Variants in LIMCH1 observed in about 807,000 individuals in gnomAD.
LIMCH1 encodes LIM and calponin homology domains 1.
Under a neutral mutation model 176.5 loss-of-function variants are expected in LIMCH1, and 113 were observed. The observed-to-expected ratio is 0.64, with a 90% confidence interval of 0.55 to 0.75. The LOEUF is 0.75. Among genes scored for constraint, LIMCH1 ranks in the 30% least tolerant of loss-of-function variants. The probability of loss-of-function intolerance (pLI) is 0.00; values close to 1 mark genes in which losing one functional copy is unlikely to be tolerated. For missense variants in LIMCH1, 1,674 were observed against 1,814.9 expected (o/e 0.92, Z 1.41); for synonymous variants, 619 against 645.9 (o/e 0.96, Z 0.63).
At chr4:41,409,799 C>T (rs12504095) in intron 1 of LIMCH1, among the ~76,000 whole-genome samples, 87,280 of 152,004 alleles carry the variant, frequency 0.57, 28,165 homozygotes, top group East Asian at 0.82. Flanking sequence ...ATGAAAACTG[C>T]CCTATTTACT....
At chr4:41,688,612 G>A (rs1416159565) in intron 29 of LIMCH1, among the ~76,000 whole-genome samples, 3 of 152,104 alleles carry the variant, frequency 2.0e-5, no homozygotes, top group African/African-American at 4.8e-5. Flanking sequence ...AATTCCTTGT[G>A]TAATTCCAAG....
At position 41,419,143 on chromosome 4, in the gene LIMCH1, A is replaced by G. The variant is rs1226095173; in HGVS notation, c.96+58207A>G. On this transcript the variant is annotated intron_variant, in intron 1 of 26. Coordinates refer to the LIMCH1 transcript ENST00000313860. ...GTTTTGTTTTATTTTATTTTATTTT[A>G]TTTTATTTTATTTTATTTTATTTCA... Among the ~76,000 whole-genome samples, 9 of 128,966 alleles carry G rather than the reference A, an allele frequency of 7.0e-5. No homozygotes were observed. In the Admixed American group the frequency reaches 7.1e-4, roughly 10 times the overall value. The allele number at this position is 128,966 out of a possible 152,430, so 84.6% of individuals were successfully genotyped here. A position where few individuals can be genotyped will look rare whatever the true frequency, so the allele number is the denominator to read the frequency against.
intron 1 of LIMCH1, among the ~76,000 whole-genome samples, chr4:41,426,694 G>T (rs762434763): frequency 6.6e-6 from 1 of 152,190 alleles, no homozygotes; most frequent in African/African-American, 2.4e-5. Flanking sequence ...AAACTTAAGA[G>T]TTGGCACGGA....
At chr4:41,525,096 ATATGTCT>A (rs2076490984) in intron 3 of LIMCH1, among the ~76,000 whole-genome samples, 1 of 152,208 alleles carries the variant, frequency 6.6e-6, no homozygotes, top group Admixed American at 6.5e-5. Context: ...TCATGCGTTG[ATATGTCT>A]TATAATTCTT....
In LIMCH1 at chr4:41,558,494, C is replaced by G. The variant is rs118116432; in HGVS notation, c.-241+20144C>G. On this transcript the variant is annotated intron_variant, in intron 1 of 31. Transcript: ENST00000503057. Reference sequence around the variant, plus strand: ...ATCCATATTCCTTTCCACAGTCTGCCCAGCCTCATATCCTGTCCCTCATTT... The same window carrying G: ...ATCCATATTCCTTTCCACAGTCTGCGCAGCCTCATATCCTGTCCCTCATTT... 1.3e-3 allele frequency among the ~76,000 whole-genome samples: 205 copies of G among 152,236 alleles called. 4 individuals are homozygous for G. In the East Asian group the frequency reaches 0.034, roughly 25 times the overall value.
At chr4:41,518,380 T>TTTTG (rs1011186687) in intron 2 of LIMCH1, among the ~76,000 whole-genome samples, 2 of 152,204 alleles carry the variant, frequency 1.3e-5, no homozygotes, top group African/African-American at 2.4e-5. Flanking sequence ...GCTTTGAGGT[T>TTTTG]TTTGTTTGTT....
intron 1 of LIMCH1, among the ~76,000 whole-genome samples, chr4:41,573,919 T>C (rs2083981591): frequency 6.6e-6 from 1 of 152,192 alleles, no homozygotes; most frequent in African/African-American, 2.4e-5. Flanking sequence ...TAAAGAGCTA[T>C]TTTTAAAGTT....
chr4:41,561,769 T>C (rs989177526), intron 1 of LIMCH1, among the ~76,000 whole-genome samples: 9 of 152,178 alleles, frequency 5.9e-5, no homozygotes, highest in Non-Finnish European at 1.3e-4. Flanking sequence ...AAAAAGAGAC[T>C]AGGGGAACAG....
chr4:41,505,935 C>CACAA (rs1413178497), intron 2 of LIMCH1, among the ~76,000 whole-genome samples: 1 of 122,626 alleles, frequency 8.2e-6, no homozygotes, highest in African/African-American at 3.2e-5. Context: ...GACACACACA[C>CACAA]ACACACACAC....
intron 1 of LIMCH1, among the ~76,000 whole-genome samples, chr4:41,443,633 A>C (rs1246119245): frequency 1.3e-5 from 2 of 152,216 alleles, no homozygotes; most frequent in African/African-American, 4.8e-5. Context: ...AAGATCTGTT[A>C]ATTTACAGTA....
chr4:41,643,066 G>T (rs1180979832), intron 14 of LIMCH1, among the ~76,000 whole-genome samples: 1 of 152,194 alleles, frequency 6.6e-6, no homozygotes, highest in Non-Finnish European at 1.5e-5. Context: ...TTTCAGTTTA[G>T]TTCTCTTAGA....
intron 1 of LIMCH1, among the ~76,000 whole-genome samples, chr4:41,408,798 G>A (rs1448919157): frequency 6.6e-6 from 1 of 152,198 alleles, no homozygotes; most frequent in African/African-American, 2.4e-5. Context: ...TGGGAGTTCA[G>A]TTGGATTGTA....
chr4:41,593,774 T>C (rs1012248775), intron 1 of LIMCH1, among the ~76,000 whole-genome samples: 2 of 152,248 alleles, frequency 1.3e-5, no homozygotes, highest in African/African-American at 4.8e-5. Context: ...TGAATTATTT[T>C]AACAGAGACC....
chr4:41,663,503 G>C (rs1371320115), intron 20 of LIMCH1, among the ~76,000 whole-genome samples: 1 of 152,034 alleles, frequency 6.6e-6, no homozygotes, highest in African/African-American at 2.4e-5. Context: ...CTATTTGTTA[G>C]CCATGGTAAT....
intron 1 of LIMCH1, among the ~76,000 whole-genome samples, chr4:41,468,855 G>A (rs754290319): frequency 2.0e-5 from 3 of 152,056 alleles, no homozygotes; most frequent in Admixed American, 6.5e-5. Flanking sequence ...TTGTGTGTTG[G>A]GAATGTTTGT....
intron 1 of LIMCH1, among the ~76,000 whole-genome samples, chr4:41,489,919 G>T (rs539044585): frequency 2.0e-5 from 3 of 152,140 alleles, no homozygotes; most frequent in South Asian, 4.1e-4. Flanking sequence ...TATTGTATAT[G>T]TCATATATAT....
intron 1 of LIMCH1, among the ~76,000 whole-genome samples, chr4:41,581,153 T>TC (rs1561819271): frequency 5.6e-4 from 85 of 151,842 alleles, no homozygotes; most frequent in African/African-American, 1.9e-3. Context: ...TATCATCTAA[T>TC]CAATCATCTG....
At chr4:41,379,389 T>C (rs898412328) in intron 1 of LIMCH1, among the ~76,000 whole-genome samples, 4 of 152,182 alleles carry the variant, frequency 2.6e-5, no homozygotes, top group Non-Finnish European at 5.9e-5. Flanking sequence ...AAGTGAATGA[T>C]TCAGGAGAGC....
chr4:41,633,584 G>A lies in LIMCH1; in HGVS notation c.1866G>A (p.Gly622=), dbSNP rs267600156. Residue 622 remains glycine (G), a synonymous_variant, in exon 13 of 32, where the codon GGG becomes GGA. Transcript: ENST00000503057. ...TGGCCTCTGAGTGTGAGGCTTCAGGGACAGAAGAGAAGTTGGAGAAGATGA... is the reference window on the plus strand; with the variant it reads ...TGGCCTCTGAGTGTGAGGCTTCAGGAACAGAAGAGAAGTTGGAGAAGATGA... ...CPLASECEAS[G]TEEKLEKMTA... The A allele has an allele frequency of 2.0e-6, 3 of 1,536,036 alleles. No homozygotes were observed. Among genetic ancestry groups the A allele is most frequent in the Middle Eastern group, 1.7e-4 (1 of 6,006 alleles).
Sources: gnomAD v4.1 joint callset for allele counts (sites outside exome capture counted in the v4.1 genomes callset) on GRCh38, gnomAD v4.1.1 for gene constraint, MANE v1.5 for transcripts, NCBI Gene and HGNC (gene_info 2026-07-23, HGNC 2026-07-21) for gene names.